The following RANBP2 variants were observed in gnomAD, a reference collection of about 807,000 sequenced individuals.
RANBP2 encodes E3 SUMO-protein ligase RanBP2.
A neutral mutation model predicts 303.6 loss-of-function variants in RANBP2; 57 were observed. The observed-to-expected ratio is 0.19, with a 90% confidence interval of 0.15 to 0.23. The LOEUF is 0.23. Ranked by LOEUF, RANBP2 falls within the 10% of genes least tolerant of loss-of-function variation. The probability of loss-of-function intolerance (pLI) is 1.00; values close to 1 mark genes in which losing one functional copy is unlikely to be tolerated. For synonymous variants in RANBP2, 1,167 were observed against 1,301.5 expected (o/e 0.90, Z 2.23); for missense variants, 3,138 against 3,780.8 (o/e 0.83, Z 4.46).
the RANBP2 span, among the ~76,000 whole-genome samples, chr2:109,509,482 C>A: frequency 1.3e-5 from 2 of 152,116 alleles, no homozygotes; most frequent in African/African-American, 4.8e-5. Flanking sequence ...CGTCTCCTCA[C>A]TCTGTCAAGC....
the RANBP2 span, among the ~76,000 whole-genome samples, chr2:109,743,807 T>C: frequency 1.2e-4 from 11 of 92,336 alleles, 5 homozygotes; most frequent in Non-Finnish European, 2.6e-4. Flanking sequence ...GTCCCCAGTG[T>C]CTATTGCCAT....
chr2:108,847,768 T>C, the RANBP2 span, among the ~76,000 whole-genome samples: 1 of 152,220 alleles, frequency 6.6e-6, no homozygotes, highest in Non-Finnish European at 1.5e-5. Flanking sequence ...TCATTTAATT[T>C]GACTTCTTTC....
chr2:109,559,012 C>T, the RANBP2 span, among the ~76,000 whole-genome samples: 170 of 152,056 alleles, frequency 1.1e-3, 1 homozygote, highest in African/African-American at 3.8e-3. Flanking sequence ...CAGCCTCCCA[C>T]ATAGCTGGGC....
the RANBP2 span, among the ~76,000 whole-genome samples, chr2:109,102,043 C>G: frequency 1.1e-4 from 16 of 152,138 alleles, no homozygotes; most frequent in Non-Finnish European, 2.4e-4. Context: ...GTAGCCTGCC[C>G]CCACTCCTGC....
chr2:109,593,063 A>T, the RANBP2 span: 1 of 1,597,530 alleles, frequency 6.3e-7, no homozygotes, highest in Non-Finnish European at 8.5e-7. Flanking sequence ...TCTGTTCATC[A>T]TCTGATCCTT....
the RANBP2 span, among the ~76,000 whole-genome samples, chr2:108,819,629 A>T: frequency 2.0e-5 from 3 of 152,212 alleles, no homozygotes; most frequent in African/African-American, 7.2e-5. Flanking sequence ...CCCAGAGAAG[A>T]CACATGTCTC....
At chr2:109,092,566 T>C in the RANBP2 span, among the ~76,000 whole-genome samples, 4 of 152,180 alleles carry the variant, frequency 2.6e-5, no homozygotes, top group African/African-American at 7.2e-5. Context: ...TGATTTTCTT[T>C]TGTAAAGTGG....
At chr2:109,390,086 G>A in the RANBP2 span, among the ~76,000 whole-genome samples, 8 of 152,130 alleles carry the variant, frequency 5.3e-5, no homozygotes, top group East Asian at 1.9e-4. Flanking sequence ...GGAGGGACTC[G>A]CCCAGGATTT....
the RANBP2 span, among the ~76,000 whole-genome samples, chr2:109,213,289 C>T: frequency 6.6e-6 from 1 of 152,234 alleles, no homozygotes; most frequent in Non-Finnish European, 1.5e-5. Context: ...CCTTCCACAC[C>T]CTGGTGTGTC....
the RANBP2 span, among the ~76,000 whole-genome samples, chr2:108,914,185 G>C: frequency 2.0e-5 from 3 of 150,720 alleles, no homozygotes; most frequent in South Asian, 6.3e-4. Context: ...GCTTGAACCC[G>C]GGAGGTGGAG....
the RANBP2 span, among the ~76,000 whole-genome samples, chr2:109,421,748 C>G: frequency 6.6e-6 from 1 of 152,148 alleles, no homozygotes; most frequent in African/African-American, 2.4e-5. Flanking sequence ...CTAAGGATGA[C>G]AAGGATTTAG....
the RANBP2 span, among the ~76,000 whole-genome samples, chr2:109,197,113 G>C: frequency 6.6e-6 from 1 of 152,214 alleles, no homozygotes. Flanking sequence ...GCTAGTAGAG[G>C]CAGAGGTTGG....
chr2:109,509,618 T>G, the RANBP2 span, among the ~76,000 whole-genome samples: 8 of 152,132 alleles, frequency 5.3e-5, no homozygotes, highest in African/African-American at 1.9e-4. Context: ...AGTGGTCAAG[T>G]CAGGAGTTTT....
chr2:109,303,443 CT>C, the RANBP2 span, among the ~76,000 whole-genome samples: 8 of 152,260 alleles, frequency 5.3e-5, no homozygotes, highest in East Asian at 1.2e-3. Context: ...TTTGTGTAGA[CT>C]GGTACATGGC....
At chr2:109,244,616 G>A in the RANBP2 span, among the ~76,000 whole-genome samples, 291 of 152,344 alleles carry the variant, frequency 1.9e-3, 5 homozygotes, top group Admixed American at 0.015. Flanking sequence ...GAAAACCCAA[G>A]AATGCCAGTT....
At chr2:109,566,564 T>C in the RANBP2 span, among the ~76,000 whole-genome samples, 1 of 152,282 alleles carries the variant, frequency 6.6e-6, no homozygotes, top group East Asian at 1.9e-4. Flanking sequence ...TGTGTGTGTG[T>C]GTACAGTATG....
chr2:108,910,971 G>C, the RANBP2 span: 1 of 1,614,044 alleles, frequency 6.2e-7, no homozygotes, highest in African/African-American at 1.3e-5. Flanking sequence ...TTTGTCTTCA[G>C]GATGTAGAAC....
At chr2:109,112,708 C>T in the RANBP2 span, among the ~76,000 whole-genome samples, 1 of 152,142 alleles carries the variant, frequency 6.6e-6, no homozygotes, top group African/African-American at 2.4e-5. Flanking sequence ...AGTCCTTGCC[C>T]ATGCCTATGT....
At chr2:109,709,381 A>AAAAT in the RANBP2 span, among the ~76,000 whole-genome samples, 1 of 151,972 alleles carries the variant, frequency 6.6e-6, no homozygotes, top group Non-Finnish European at 1.5e-5. Context: ...AAAAATAACA[A>AAAAT]AACAAAACAA....
Sources: allele counts gnomAD v4.1 joint callset (sites outside exome capture counted in the v4.1 genomes callset), GRCh38; gene constraint gnomAD v4.1.1; transcripts MANE v1.5; gene names NCBI Gene and HGNC (gene_info 2026-07-23, HGNC 2026-07-21).